TUB: variants seen among roughly 807,000 people sequenced by gnomAD.
TUB encodes tubby protein homolog.
Under a neutral mutation model 59.7 loss-of-function variants are expected in TUB, and 33 were observed. The observed-to-expected ratio is 0.55, with a 90% CI of 0.42 to 0.74. TUB has a LOEUF of 0.74. Ranked by LOEUF, TUB falls within the 30% of genes least tolerant of loss-of-function variation. The pLI is 0.00. For missense variants in TUB, 659 were observed against 672.0 expected (o/e 0.98, Z 0.21); for synonymous variants, 293 against 256.4 (o/e 1.14, Z -1.36).
At chr11:8,064,125 A>G (rs181625536) in intron 2 of TUB, among the ~76,000 whole-genome samples, 1 of 152,324 alleles carries the variant, frequency 6.6e-6, no homozygotes, top group African/African-American at 2.4e-5. Flanking sequence ...TCTCCCACCA[A>G]TAGGCCAGAA....
intron 3 of TUB, among the ~76,000 whole-genome samples, chr11:8,092,545 C>T (rs376127586): frequency 3.9e-5 from 6 of 152,148 alleles, no homozygotes; most frequent in Non-Finnish European, 7.3e-5. Context: ...CTTTGGAACT[C>T]GAAGGAGCCA....
chr11:8,094,056 C>T lies in TUB; in HGVS notation c.264C>T (p.Ala88=), dbSNP rs1335020026. 7 of 1,614,136 alleles carry T rather than the reference C, an allele frequency of 4.3e-6. No individual in the cohort carries two copies. Among genetic ancestry groups the T allele is most frequent in the East Asian group, 4.5e-5 (2 of 44,872 alleles). ...ATGTTTCCTGAGCAGTTCAAGAGGC[C>T]GACTCACTCGCCAGTGTGCAGCTGG... is the stretch of plus-strand genomic sequence containing the variant. ...SGSTSYQVQE[A]DSLASVQLGA... Residue 88 remains alanine, a synonymous_variant, in exon 4 of 12, where the codon GCC becomes GCT. Transcript: ENST00000299506.
At position 8,096,674 on chromosome 11, in the gene TUB, C is replaced by T; in HGVS notation, c.566-11C>T. On this transcript the variant is annotated splice_polypyrimidine_tract_variant and intron_variant, in intron 5 of 11. Coordinates refer to ENST00000299506, the MANE Select transcript of TUB (RefSeq NM_177972.3). ...CCTCCTTCATCCCTTCTTCTTCTCT[C>T]CTTGGCCCAGGCATCTCCAGCAGCA... 15 of 1,562,908 alleles carry T rather than the reference C, an allele frequency of 9.6e-6. No individual in the cohort carries two copies. Among genetic ancestry groups the T allele is most frequent in the Non-Finnish European group, 1.3e-5 (15 of 1,133,328 alleles).
upstream of TUB, among the ~76,000 whole-genome samples, chr11:8,080,262 C>T (rs538639742): frequency 1.8e-3 from 267 of 152,334 alleles, no homozygotes; most frequent in Non-Finnish European, 3.2e-3. Context: ...GGGACCGTGC[C>T]CCTCCGCAGA....
At chr11:8,038,708 G>T in exon 1 of TUB, 1 of 1,473,198 alleles carries the variant, frequency 6.8e-7, no homozygotes, top group East Asian at 2.4e-5. Context: ...CCTAATTAAT[G>T]GGTGATGGTG....
In TUB at chr11:8,097,365, G is replaced by C. The variant is rs1415983881; in HGVS notation, c.825G>C (p.Gly275=). ...IKCRITRDKK[G]MDRGMYPTYF... ...GCCGCATCACTCGGGACAAGAAAGG[G>C]ATGGACCGGGGCATGTACCCCACCT... is the stretch of plus-strand genomic sequence containing the variant. The change falls in exon 7 of 12, where the codon GGG becomes GGC. Residue 275 remains glycine (G), a synonymous_variant. Transcript: ENST00000299506. 1.1e-5 allele frequency: 18 copies of C among 1,614,088 alleles called. No homozygotes were observed. The highest frequency in any genetic ancestry group is 2.7e-5 in the African/African-American group (2 of 74,930).
At chr11:8,062,421 G>A (rs1048033770) in intron 2 of TUB, among the ~76,000 whole-genome samples, 2 of 152,042 alleles carry the variant, frequency 1.3e-5, no homozygotes, top group African/African-American at 4.8e-5. Context: ...TTGGCCTCTA[G>A]GGATCTAGGG....
chr11:8,051,842 A>G (rs1942939856), intron 2 of TUB, among the ~76,000 whole-genome samples: 2 of 152,076 alleles, frequency 1.3e-5, no homozygotes, highest in African/African-American at 4.8e-5. Flanking sequence ...ATCCTCTGTT[A>G]TTTGTTTTTG....
chr11:8,066,024 G>T (rs1249276985), intron 2 of TUB, among the ~76,000 whole-genome samples: 2 of 152,338 alleles, frequency 1.3e-5, no homozygotes, highest in African/African-American at 4.8e-5. Flanking sequence ...GGTCAGACAT[G>T]AAATAGGTTG....
intron 7 of TUB, 45 bp from the exon 8 acceptor site, chr11:8,097,669 G>A (rs367795205): frequency 1.3e-6 from 2 of 1,543,948 alleles, no homozygotes; most frequent in Non-Finnish European, 8.9e-7. Context: ...ACTGTGTGCA[G>A]ACCAGAGGCT....
chr11:8,038,729 T>A (rs1942688601), exon 1 of TUB: 2 of 1,496,322 alleles, frequency 1.3e-6, no homozygotes, highest in Non-Finnish European at 1.8e-6. Flanking sequence ...GTTGTTAGTC[T>A]GACTGTTGCC....
At chr11:8,026,342 T>C (rs531075274) in intron 1 of TUB, among the ~76,000 whole-genome samples, 2 of 152,200 alleles carry the variant, frequency 1.3e-5, no homozygotes, top group Non-Finnish European at 2.9e-5. Context: ...GTTCTTCTGA[T>C]GTTGTATCTA....
In TUB at chr11:8,101,382, T is replaced by C. The variant is rs1021987045; in HGVS notation, c.1388-104T>C. The C allele has an allele frequency of 1.1e-5, 15 of 1,422,196 alleles. No homozygotes were observed. The Admixed American group carries it at 2.7e-4, about 25-fold the overall frequency. The allele number at this position is 1,422,196 out of a possible 1,614,324, so 88.1% of individuals were successfully genotyped here. A position where few individuals can be genotyped will look rare whatever the true frequency, so the allele number is the denominator to read the frequency against. ...GTGATTCCCCTGGCATCTCTGCTTCTCACTTGTTCTTCCCTCATGTGGTTT... is the reference window on the plus strand; with the variant it reads ...GTGATTCCCCTGGCATCTCTGCTTCCCACTTGTTCTTCCCTCATGTGGTTT... On this transcript the variant is annotated intron_variant, in intron 11 of 11. Transcript: ENST00000299506.
intron 2 of TUB, among the ~76,000 whole-genome samples, chr11:8,058,341 G>A (rs2133767991): frequency 6.6e-6 from 1 of 152,180 alleles, no homozygotes; most frequent in East Asian, 1.9e-4. Context: ...GCGCTTGTCT[G>A]TTGTGTCTGC....
Position 8,090,139 on chromosome 11 carries a change from G to C in TUB, c.161G>C (p.Gly54Ala). 1 of 1,613,588 alleles carries C rather than the reference G, an allele frequency of 6.2e-7. No homozygotes were observed. Among genetic ancestry groups the C allele is most frequent in the Non-Finnish European group, 8.5e-7 (1 of 1,179,862 alleles). ...CTGATGGTGCAGGCCAATGCAGATG[G>C]GCGGCCCCGGAGCCGGCGGGCCCGG... ...EPLMVQANAD[G>A]RPRSRRARQS... Residue 54 changes from glycine to alanine, a missense_variant, in exon 3 of 12, where the codon GGG (glycine) becomes GCG (alanine). Physicochemically the swap from Gly to Ala is moderately conservative, Grantham distance 60. Around this residue, in one of 3 missense-constraint regions of TUB, gnomAD observed 321 missense variants for 304.3 expected, o/e 1.05. Coordinates refer to ENST00000299506, the MANE Select transcript of TUB (RefSeq NM_177972.3).
chr11:8,101,851 T>TAAAGATACGG lies in TUB; in HGVS notation c.*232_*233insAAAGATACGG. The TAAAGATACGG allele has an allele frequency of 1.0e-5, 5 of 491,674 alleles. No homozygotes were observed. The highest frequency in any genetic ancestry group is 1.3e-5 in the Non-Finnish European group (4 of 304,900). 30.5% of individuals were successfully genotyped at this position (491,674 alleles called of 1,614,324 possible). A position where few individuals can be genotyped will look rare whatever the true frequency, so the allele number is the denominator to read the frequency against. On this transcript the variant is annotated 3_prime_UTR_variant, in exon 12 of 12. Coordinates refer to ENST00000299506, the MANE Select transcript of TUB (RefSeq NM_177972.3). Reference sequence around the variant, plus strand: ...GTGTGAAGGGATGAGAATAATTCTTTCCATGCCACGAGATCAACACACACT... The same window carrying TAAAGATACGG: ...GTGTGAAGGGATGAGAATAATTCTTTAAAGATACGGCCATGCCACGAGATCAACACACACT...
At chr11:8,086,750 G>C (rs556615643) in intron 1 of TUB, among the ~76,000 whole-genome samples, 43 of 152,228 alleles carry the variant, frequency 2.8e-4, no homozygotes, top group African/African-American at 7.5e-4. Context: ...CCGCCCCCCA[G>C]CTGTGCATGC....
At chr11:8,064,679 G>C (rs903266506) in intron 2 of TUB, among the ~76,000 whole-genome samples, 2 of 152,192 alleles carry the variant, frequency 1.3e-5, no homozygotes, top group Non-Finnish European at 2.9e-5. Flanking sequence ...AGGAACTCAA[G>C]GCAGAGACAG....
rs543952300 is a variant in TUB, at chr11:8,103,923, T to G, written c.*2304T>G. On this transcript the variant is annotated 3_prime_UTR_variant, in exon 12 of 12. Coordinates refer to ENST00000299506, the MANE Select transcript of TUB (RefSeq NM_177972.3). ...TTTCTCCTGTAGCACAAAGAGGGAG[T>G]TGGCTGGATCTTTTGGTGGAGTCAG... 1.3e-5 allele frequency: 2 copies of G among 151,916 alleles called. No homozygotes were observed. The highest frequency in any genetic ancestry group is 3.9e-4 in the East Asian group (2 of 5,162). The allele number at this position is 151,916 out of a possible 1,614,324, so 9.4% of individuals were successfully genotyped here. A position where few individuals can be genotyped will look rare whatever the true frequency, so the allele number is the denominator to read the frequency against.
Sources: allele counts gnomAD v4.1 joint callset (sites outside exome capture counted in the v4.1 genomes callset), GRCh38; gene constraint gnomAD v4.1.1; regional missense constraint gnomAD v4.1.1; transcripts MANE v1.5; gene names NCBI Gene and HGNC (gene_info 2026-07-23, HGNC 2026-07-21).